The following SLC10A7 variants were observed in gnomAD, a reference collection of about 807,000 sequenced individuals.
SLC10A7 encodes the protein solute carrier family 10 member 7, also known as sodium/bile acid cotransporter 7.
Under a neutral mutation model 43.2 loss-of-function variants are expected in SLC10A7, and 29 were observed. That is an observed-to-expected ratio of 0.67 (90% CI 0.50 to 0.92). The LOEUF is 0.92. Ranked by LOEUF, SLC10A7 falls within the 40% of genes least tolerant of loss-of-function variation. SLC10A7 has a pLI of 0.00. For missense variants in SLC10A7, 295 were observed against 403.2 expected, an observed-to-expected ratio of 0.73 and a Z score of 2.30; for synonymous variants, 152 against 144.8, an observed-to-expected ratio of 1.05 and a Z score of -0.35.
At position 146,297,780 on chromosome 4, in the gene SLC10A7, G is replaced by A. The variant is rs1730885199; in HGVS notation, c.556-3685C>T. On this transcript the variant is annotated intron_variant, in intron 7 of 11. Transcript: ENST00000335472. ...ACACTTTATTTTTATTAAATATTGAGTAGATTCAAAATAAAACACTTGGCA... is the reference window on the plus strand; with the variant it reads ...ACACTTTATTTTTATTAAATATTGAATAGATTCAAAATAAAACACTTGGCA... Among the ~76,000 whole-genome samples, 3 of 152,156 alleles carry A rather than the reference G, an allele frequency of 2.0e-5. No homozygotes were observed. In the South Asian group the frequency reaches 6.2e-4, roughly 32 times the overall value.
chr4:146,285,755 T>C (rs1275761972), intron 9 of SLC10A7, among the ~76,000 whole-genome samples: 1 of 152,156 alleles, frequency 6.6e-6, no homozygotes, highest in Non-Finnish European at 1.5e-5. Context: ...GCTAGATTTG[T>C]AGTGGTGAGA....
chr4:146,353,714 G>A (rs891602070), intron 5 of SLC10A7, among the ~76,000 whole-genome samples: 1 of 59,280 alleles, frequency 1.7e-5, no homozygotes, highest in Admixed American at 2.2e-4. Flanking sequence ...TCATCCCTGG[G>A]ATGCAAGGCT....
At chr4:146,488,801 A>G (rs1735136628) in intron 4 of SLC10A7, among the ~76,000 whole-genome samples, 1 of 152,238 alleles carries the variant, frequency 6.6e-6, no homozygotes, top group Non-Finnish European at 1.5e-5. Flanking sequence ...CCTATTGTGT[A>G]TCTTAATTTT....
chr4:146,302,376 G>T (rs1004805187), intron 7 of SLC10A7, among the ~76,000 whole-genome samples: 3 of 152,114 alleles, frequency 2.0e-5, no homozygotes, highest in African/African-American at 7.2e-5. Flanking sequence ...ATATTTATTG[G>T]GTACCTATGG....
chr4:146,312,395 A>G (rs1056632226), intron 6 of SLC10A7, among the ~76,000 whole-genome samples: 6 of 152,294 alleles, frequency 3.9e-5, no homozygotes, highest in African/African-American at 1.4e-4. Context: ...AAGCTATTTA[A>G]CATACCCATC....
chr4:146,357,137 T>C (rs1211262563), intron 5 of SLC10A7, among the ~76,000 whole-genome samples: 1 of 152,236 alleles, frequency 6.6e-6, no homozygotes, highest in African/African-American at 2.4e-5. Context: ...TTCTGAGTAG[T>C]ATATGTAACA....
intron 5 of SLC10A7, among the ~76,000 whole-genome samples, chr4:146,336,872 C>T (rs1733925201): frequency 6.6e-6 from 1 of 151,996 alleles, no homozygotes; most frequent in South Asian, 2.1e-4. Context: ...ATGTACATTG[C>T]TGATTAGAAC....
In SLC10A7 at chr4:146,409,740, C is replaced by T. The variant is rs186800010; in HGVS notation, c.435+33043G>A. ...TAATCAAGAACGTGAGAAATAGAGC[C>T]GTTGTCCTATATATTACATAAATTT... On this transcript the variant is annotated intron_variant, in intron 5 of 11. Transcript: ENST00000335472. 1.8e-4 allele frequency among the ~76,000 whole-genome samples: 28 copies of T among 152,088 alleles called. No homozygotes were observed. The East Asian group carries it at 3.1e-3, about 17-fold the overall frequency.
chr4:146,462,465 C>T (rs539913462), intron 4 of SLC10A7, among the ~76,000 whole-genome samples: 2 of 152,246 alleles, frequency 1.3e-5, no homozygotes, highest in African/African-American at 4.8e-5. Flanking sequence ...CTAACAGTGG[C>T]TGAGTCAGGA....
intron 5 of SLC10A7, among the ~76,000 whole-genome samples, chr4:146,382,685 T>C (rs187889164): frequency 1.3e-5 from 2 of 152,300 alleles, no homozygotes; most frequent in Admixed American, 6.5e-5. Flanking sequence ...CTTTTTAATA[T>C]AAATAATGTC....
intron 4 of SLC10A7, among the ~76,000 whole-genome samples, chr4:146,483,453 A>C (rs79396811): frequency 0.79 from 119,172 of 151,434 alleles, 47,225 homozygotes; most frequent in East Asian, 0.95. Context: ...ACACACACAA[A>C]AAAAAAACCC....
chr4:146,314,674 C>A (rs1732204944), intron 6 of SLC10A7, among the ~76,000 whole-genome samples: 1 of 152,094 alleles, frequency 6.6e-6, no homozygotes, highest in South Asian at 2.1e-4. Context: ...TCTATGAACT[C>A]TGAGGATGAC....
intron 5 of SLC10A7, among the ~76,000 whole-genome samples, chr4:146,336,371 C>T (rs1733897309): frequency 6.6e-6 from 1 of 152,086 alleles, no homozygotes; most frequent in Non-Finnish European, 1.5e-5. Context: ...AACATCACAC[C>T]ATGTTCCTTT....
chr4:146,319,497 C>T (rs1377307552), intron 6 of SLC10A7, among the ~76,000 whole-genome samples: 1 of 152,098 alleles, frequency 6.6e-6, no homozygotes, highest in Non-Finnish European at 1.5e-5. Flanking sequence ...TCACCCATCT[C>T]ACACACTATA....
intron 5 of SLC10A7, among the ~76,000 whole-genome samples, chr4:146,357,950 G>A (rs2149758599): frequency 6.6e-6 from 1 of 152,108 alleles, no homozygotes; most frequent in African/African-American, 2.4e-5. Context: ...CCATTAGAGA[G>A]GAGATCAATA....
At chr4:146,370,663 C>T (rs1432839587) in intron 5 of SLC10A7, among the ~76,000 whole-genome samples, 1 of 152,064 alleles carries the variant, frequency 6.6e-6, no homozygotes, top group African/African-American at 2.4e-5. Flanking sequence ...TTTAATCTTC[C>T]CCCACAGCGC....
At chr4:146,317,289 C>T (rs917755083) in intron 6 of SLC10A7, among the ~76,000 whole-genome samples, 1 of 152,062 alleles carries the variant, frequency 6.6e-6, no homozygotes, top group Admixed American at 6.6e-5. Flanking sequence ...CATTCAAAAA[C>T]ATTCAAAAAA....
intron 6 of SLC10A7, among the ~76,000 whole-genome samples, chr4:146,309,644 CTTTCAACACA>C (rs1201358947): frequency 6.6e-6 from 1 of 152,124 alleles, no homozygotes; most frequent in Non-Finnish European, 1.5e-5. Context: ...CTTGCGAATG[CTTTCAACACA>C]TTCTTCCAAC....
intron 2 of SLC10A7, chr4:146,515,095 T>C (rs1198683199): frequency 2.8e-6 from 2 of 702,138 alleles, no homozygotes; most frequent in Admixed American, 4.0e-5. Flanking sequence ...TTCTTCCTTC[T>C]TCAACTCCTG....
Sources: gnomAD v4.1 joint callset for allele counts (sites outside exome capture counted in the v4.1 genomes callset) on GRCh38, gnomAD v4.1.1 for gene constraint, MANE v1.5 for transcripts, NCBI Gene and HGNC (gene_info 2026-07-23, HGNC 2026-07-21) for gene names.